The following LGSN variants were observed in gnomAD, a reference collection of about 807,000 sequenced individuals.
LGSN encodes the protein lengsin, lens protein with glutamine synthetase domain.
LGSN carries 21 observed loss-of-function variants against 19.5 expected under a neutral mutation model. The ratio of observed to expected loss-of-function variants is 1.07; its 90% confidence interval spans 0.76 to 1.55. The LOEUF (loss-of-function observed/expected upper bound fraction) is 1.55. Among genes scored for constraint, LGSN ranks in the 40% most tolerant of loss-of-function variants. The pLI is 0.00. For synonymous variants in LGSN, 257 were observed against 215.6 expected, an observed-to-expected ratio of 1.19 and a Z score of -1.68; for missense variants, 673 against 608.5, an observed-to-expected ratio of 1.11 and a Z score of -1.12.
intron 1 of LGSN, among the ~76,000 whole-genome samples, chr6:63,313,276 C>T (rs1204106178): frequency 2.0e-5 from 3 of 151,872 alleles, no homozygotes; most frequent in African/African-American, 7.3e-5. Context: ...TATTTTGCAA[C>T]CCAAGTCACT....
chr6:63,483,750 C>T, the LGSN span, among the ~76,000 whole-genome samples: 10 of 152,042 alleles, frequency 6.6e-5, no homozygotes, highest in African/African-American at 2.4e-4. Context: ...CTCCCTATGT[C>T]TTTACATGGT....
At chr6:63,360,348 C>A in the LGSN span, among the ~76,000 whole-genome samples, 1 of 152,182 alleles carries the variant, frequency 6.6e-6, no homozygotes, top group African/African-American at 2.4e-5. Flanking sequence ...TTCTTGGAGG[C>A]TTTGTTTGTT....
chr6:63,350,163 G>C, the LGSN span, among the ~76,000 whole-genome samples: 1 of 152,206 alleles, frequency 6.6e-6, no homozygotes, highest in Non-Finnish European at 1.5e-5. Context: ...AACTCATGAG[G>C]AATGGTAAAA....
the LGSN span, among the ~76,000 whole-genome samples, chr6:63,329,136 AATC>A: frequency 1.3e-5 from 2 of 152,184 alleles, no homozygotes; most frequent in East Asian, 3.9e-4. Flanking sequence ...GCCAGAAGTA[AATC>A]ATCCACATAT....
At chr6:63,330,125 G>A in the LGSN span, among the ~76,000 whole-genome samples, 1 of 152,186 alleles carries the variant, frequency 6.6e-6, no homozygotes, top group African/African-American at 2.4e-5. Context: ...CATCCTCTGG[G>A]GCAGTGCACC....
chr6:63,330,528 C>T, the LGSN span, among the ~76,000 whole-genome samples: 1 of 152,158 alleles, frequency 6.6e-6, no homozygotes, highest in Admixed American at 6.5e-5. Context: ...ATTCAGGTGA[C>T]AGGGGAATAT....
At chr6:63,426,294 A>T in the LGSN span, among the ~76,000 whole-genome samples, 1 of 152,174 alleles carries the variant, frequency 6.6e-6, no homozygotes. Context: ...TATAAATTAA[A>T]TTTAAGCTGA....
the LGSN span, among the ~76,000 whole-genome samples, chr6:63,405,979 A>T: frequency 1.3e-5 from 2 of 152,190 alleles, 1 homozygote; most frequent in African/African-American, 4.8e-5. Flanking sequence ...AGAGCTAACT[A>T]TCCTAAATAT....
the LGSN span, among the ~76,000 whole-genome samples, chr6:63,333,017 C>T: frequency 1.6e-4 from 24 of 151,918 alleles, no homozygotes; most frequent in Non-Finnish European, 2.9e-4. Flanking sequence ...CAGACCTTCA[C>T]GGTGAGTGTT....
intron 2 of LGSN, among the ~76,000 whole-genome samples, chr6:63,289,325 A>G (rs1483472859): frequency 6.6e-6 from 1 of 152,168 alleles, no homozygotes; most frequent in Non-Finnish European, 1.5e-5. Context: ...AACGCTATCC[A>G]ATCCCATTTC....
At chr6:63,509,340 C>T in the LGSN span, among the ~76,000 whole-genome samples, 1 of 152,046 alleles carries the variant, frequency 6.6e-6, no homozygotes, top group African/African-American at 2.4e-5. Flanking sequence ...GCTAGGATTA[C>T]AGGCATGAGC....
At chr6:63,497,918 CTTT>C in the LGSN span, among the ~76,000 whole-genome samples, 1 of 121,904 alleles carries the variant, frequency 8.2e-6, no homozygotes. Context: ...TGTCATGTTT[CTTT>C]TTTTTTTTTT....
At chr6:63,335,617 G>A in the LGSN span, among the ~76,000 whole-genome samples, 1 of 152,100 alleles carries the variant, frequency 6.6e-6, no homozygotes, top group Non-Finnish European at 1.5e-5. Flanking sequence ...CACATGAGAT[G>A]TCCTATTACC....
At chr6:63,459,952 A>G in the LGSN span, among the ~76,000 whole-genome samples, 15 of 151,980 alleles carry the variant, frequency 9.9e-5, no homozygotes, top group Non-Finnish European at 1.6e-4. Context: ...ATAATGCTAA[A>G]GTTTCCTAGG....
chr6:63,417,353 T>C, the LGSN span, among the ~76,000 whole-genome samples: 2 of 152,132 alleles, frequency 1.3e-5, no homozygotes, highest in South Asian at 2.1e-4. Flanking sequence ...ACTCTGAAGT[T>C]TGAGTTTCAG....
At chr6:63,481,536 C>G in the LGSN span, among the ~76,000 whole-genome samples, 7 of 150,848 alleles carry the variant, frequency 4.6e-5, no homozygotes, top group African/African-American at 1.2e-4. Context: ...TTAGTAGAGA[C>G]GGGGTTTCAC....
the LGSN span, among the ~76,000 whole-genome samples, chr6:63,331,937 C>G: frequency 6.6e-6 from 1 of 152,066 alleles, no homozygotes; most frequent in Non-Finnish European, 1.5e-5. Flanking sequence ...TTACCCCTTT[C>G]CTATAAAGAT....
the LGSN span, among the ~76,000 whole-genome samples, chr6:63,382,827 T>C: frequency 6.6e-6 from 1 of 152,202 alleles, no homozygotes; most frequent in East Asian, 1.9e-4. Context: ...AAGATATAAC[T>C]GTACAACATA....
the LGSN span, among the ~76,000 whole-genome samples, chr6:63,409,006 G>A: frequency 3.4e-4 from 52 of 152,168 alleles, no homozygotes; most frequent in Non-Finnish European, 3.2e-4. Context: ...GAACTTCTGG[G>A]CTCAAGTGAT....
Sources: allele counts gnomAD v4.1 joint callset (sites outside exome capture counted in the v4.1 genomes callset), GRCh38; gene constraint gnomAD v4.1.1; transcripts MANE v1.5; gene names NCBI Gene and HGNC (gene_info 2026-07-23, HGNC 2026-07-21).